LINGO2: variants seen among roughly 807,000 people sequenced by gnomAD.
LINGO2 encodes the protein leucine rich repeat and Ig domain containing 2.
LINGO2 carries 14 observed loss-of-function variants against 30.6 expected under a neutral mutation model. The observed-to-expected ratio is 0.46, with a 90% confidence interval of 0.30 to 0.72. LINGO2 has a LOEUF of 0.72. Among genes scored for constraint, LINGO2 ranks in the 30% least tolerant of loss-of-function variants. The pLI is 0.07. For missense variants in LINGO2, 729 were observed against 751.7 expected, an observed-to-expected ratio of 0.97 and a Z score of 0.35; for synonymous variants, 317 against 288.5, an observed-to-expected ratio of 1.10 and a Z score of -1.00.
At chr9:28,234,858 C>T (rs1054444180) in intron 4 of LINGO2, among the ~76,000 whole-genome samples, 2 of 149,378 alleles carry the variant, frequency 1.3e-5, no homozygotes, top group Admixed American at 1.3e-4. Flanking sequence ...ATAAACTCCC[C>T]TTTATATATA....
intron 1 of LINGO2, among the ~76,000 whole-genome samples, chr9:28,561,217 T>C (rs1206347079): frequency 6.6e-6 from 1 of 151,938 alleles, no homozygotes; most frequent in Non-Finnish European, 1.5e-5. Flanking sequence ...AGGCTCCCTT[T>C]AGAATGCCCA....
the LINGO2 span, among the ~76,000 whole-genome samples, chr9:28,748,012 G>C: frequency 6.6e-6 from 1 of 152,120 alleles, no homozygotes; most frequent in Non-Finnish European, 1.5e-5. Flanking sequence ...ACCACAGAAG[G>C]AACAACTTTC....
chr9:28,238,499 G>A (rs890242279), intron 4 of LINGO2, among the ~76,000 whole-genome samples: 1 of 152,130 alleles, frequency 6.6e-6, no homozygotes, highest in East Asian at 1.9e-4. Context: ...CAGAACTTTG[G>A]AAACTATATA....
At chr9:28,352,561 A>C (rs1411330236) in intron 3 of LINGO2, among the ~76,000 whole-genome samples, 1 of 138,660 alleles carries the variant, frequency 7.2e-6, no homozygotes, top group Non-Finnish European at 1.5e-5. Flanking sequence ...AATATCGTGA[A>C]AATGGCCATA....
chr9:28,434,696 T>C (rs762313681), intron 2 of LINGO2, among the ~76,000 whole-genome samples: 1 of 152,158 alleles, frequency 6.6e-6, no homozygotes, highest in Non-Finnish European at 1.5e-5. Flanking sequence ...TTACTTTAAA[T>C]GAGAAGGCCA....
In LINGO2 at chr9:28,148,973, C is replaced by T; in HGVS notation, c.-86-136568G>A. The T allele has an allele frequency of 6.5e-7, 1 of 1,534,100 alleles. No individual in the cohort carries two copies. Among genetic ancestry groups the T allele is most frequent in the Admixed American group, 2.0e-5 (1 of 50,992 alleles). On this transcript the variant is annotated intron_variant, in intron 4 of 5. Transcript: ENST00000379992. This position sits in a 1 kb window ranked among gnomAD's most constrained non-coding sequence, Gnocchi z 5.1. ...TTCCCACAAAAGAAAACTGTCGGGG[C>T]CACCGCTGCAGCTGCAACCGACCCC...
At chr9:28,797,023 T>C in the LINGO2 span, among the ~76,000 whole-genome samples, 3 of 151,562 alleles carry the variant, frequency 2.0e-5, no homozygotes, top group Non-Finnish European at 2.9e-5. Context: ...CAATGAAACA[T>C]TTTAAAGGCT....
chr9:29,128,500 G>A, the LINGO2 span, among the ~76,000 whole-genome samples: 2 of 152,086 alleles, frequency 1.3e-5, no homozygotes, highest in East Asian at 3.9e-4. Flanking sequence ...CTGTTGAATG[G>A]GAAAGTGGGA....
the LINGO2 span, among the ~76,000 whole-genome samples, chr9:28,916,886 T>C: frequency 2.0e-5 from 3 of 152,224 alleles, no homozygotes; most frequent in African/African-American, 7.2e-5. Context: ...TCTGTGGTCA[T>C]ATTTTCCTCA....
chr9:28,110,628 G>A (rs554425833), intron 4 of LINGO2, among the ~76,000 whole-genome samples: 15 of 151,994 alleles, frequency 9.9e-5, no homozygotes, highest in South Asian at 2.1e-4. Flanking sequence ...GCCAACTAAC[G>A]TATGAAAAAC....
intron 4 of LINGO2, among the ~76,000 whole-genome samples, chr9:28,058,623 CAAGAA>C (rs975377575): frequency 4.6e-5 from 7 of 152,004 alleles, no homozygotes; most frequent in African/African-American, 1.7e-4. Flanking sequence ...CACCAATGAA[CAAGAA>C]AATTAAAGAA....
chr9:28,221,370 T>C (rs539421336), intron 4 of LINGO2, among the ~76,000 whole-genome samples: 3 of 149,512 alleles, frequency 2.0e-5, no homozygotes, highest in East Asian at 2.0e-4. Flanking sequence ...AAAATGATAA[T>C]TGTGAGATAA....
intron 4 of LINGO2, among the ~76,000 whole-genome samples, chr9:28,085,854 G>A (rs183910968): frequency 1.3e-5 from 2 of 152,120 alleles, no homozygotes; most frequent in East Asian, 1.9e-4. Context: ...TTTACTGGGC[G>A]GTATGATACT....
chr9:28,431,997 G>A (rs1425411448), intron 2 of LINGO2, among the ~76,000 whole-genome samples: 1 of 151,904 alleles, frequency 6.6e-6, no homozygotes, highest in Admixed American at 6.6e-5. Context: ...TATAGTCATT[G>A]CCCTAATAAT....
chr9:28,699,925 G>A, the LINGO2 span, among the ~76,000 whole-genome samples: 1 of 151,962 alleles, frequency 6.6e-6, no homozygotes, highest in Admixed American at 6.6e-5. Flanking sequence ...TCTGTTTTCT[G>A]TTAAGATATT....
intron 2 of LINGO2, among the ~76,000 whole-genome samples, chr9:28,410,367 G>T (rs958355446): frequency 1.3e-5 from 2 of 152,032 alleles, no homozygotes; most frequent in African/African-American, 4.8e-5. Flanking sequence ...AGAATAACAA[G>T]CCACTTGCAT....
chr9:28,064,730 C>G (rs1287860250), intron 4 of LINGO2, among the ~76,000 whole-genome samples: 1 of 152,040 alleles, frequency 6.6e-6, no homozygotes, highest in East Asian at 1.9e-4. Flanking sequence ...CAGTTCCAGG[C>G]CCTGAAAGGG....
the LINGO2 span, among the ~76,000 whole-genome samples, chr9:28,867,497 AG>A: frequency 5.3e-5 from 8 of 151,976 alleles, no homozygotes; most frequent in South Asian, 2.1e-4. Flanking sequence ...AAAAAAAAAA[AG>A]AAGACAAACT....
At chr9:27,978,588 CAT>C (rs1195695715) in intron 5 of LINGO2, among the ~76,000 whole-genome samples, 1 of 151,980 alleles carries the variant, frequency 6.6e-6, no homozygotes, top group African/African-American at 2.4e-5. Context: ...GCAGATACCA[CAT>C]ATATTGGTGC....
Sources: gnomAD v4.1 joint callset for allele counts (sites outside exome capture counted in the v4.1 genomes callset) on GRCh38, gnomAD v4.1.1 for gene constraint, Gnocchi (gnomAD v3.1) non-coding constraint, MANE v1.5 for transcripts, NCBI Gene and HGNC (gene_info 2026-07-23, HGNC 2026-07-21) for gene names.